CSMD1: variants seen among roughly 807,000 people sequenced by gnomAD.
CSMD1 encodes the protein CUB and sushi domain-containing protein 1.
Under a neutral mutation model 417.5 loss-of-function variants are expected in CSMD1, and 213 were observed. The ratio of observed to expected loss-of-function variants is 0.51; its 90% CI spans 0.46 to 0.57. CSMD1 has a LOEUF of 0.57. CSMD1 is among the 20% of genes least tolerant of loss of function. The probability of loss-of-function intolerance (pLI) is 0.00; values close to 1 mark genes in which losing one functional copy is unlikely to be tolerated. For synonymous variants in CSMD1, 2,862 were observed against 1,736.8 expected, an observed-to-expected ratio of 1.65 and a Z score of -16.11; for missense variants, 6,923 against 4,529.7, an observed-to-expected ratio of 1.53 and a Z score of -15.17.
chr8:3,135,178 A>G (rs1177052306), intron 41 of CSMD1, among the ~76,000 whole-genome samples: 1 of 152,220 alleles, frequency 6.6e-6, no homozygotes, highest in Non-Finnish European at 1.5e-5. Context: ...GGCTTCCCAA[A>G]GTGCTGCAAT....
At chr8:4,417,206 G>A (rs1169352506) in intron 3 of CSMD1, among the ~76,000 whole-genome samples, 3 of 152,024 alleles carry the variant, frequency 2.0e-5, no homozygotes, top group African/African-American at 7.2e-5. Context: ...ATTTATCAGT[G>A]TTCCCACTGG....
At chr8:4,544,699 T>C (rs149104706) in intron 2 of CSMD1, among the ~76,000 whole-genome samples, 1 of 152,240 alleles carries the variant, frequency 6.6e-6, no homozygotes, top group Non-Finnish European at 1.5e-5. Flanking sequence ...TATTACAATG[T>C]ATCCTTGAAA....
intron 5 of CSMD1, among the ~76,000 whole-genome samples, chr8:3,854,316 CCT>C (rs1804140765): frequency 6.6e-6 from 1 of 151,444 alleles, no homozygotes; most frequent in African/African-American, 2.4e-5. Context: ...TGTGCACTGC[CCT>C]TTTTATTTTG....
chr8:3,841,572 C>G (rs1803134679), intron 5 of CSMD1, among the ~76,000 whole-genome samples: 1 of 152,008 alleles, frequency 6.6e-6, no homozygotes, highest in African/African-American at 2.4e-5. Context: ...TTGTTTATCA[C>G]AAAATCACCA....
At chr8:4,456,458 GA>G in intron 2 of CSMD1, among the ~76,000 whole-genome samples, 1 of 152,086 alleles carries the variant, frequency 6.6e-6, no homozygotes, top group Non-Finnish European at 1.5e-5. Context: ...TATTCTTAAC[GA>G]AAATCACCAA....
At chr8:4,839,856 T>C (rs1800732736) in intron 1 of CSMD1, among the ~76,000 whole-genome samples, 1 of 152,208 alleles carries the variant, frequency 6.6e-6, no homozygotes, top group Non-Finnish European at 1.5e-5. Context: ...TGCTAGAATG[T>C]ATATCTTTCA....
intron 2 of CSMD1, among the ~76,000 whole-genome samples, chr8:4,436,956 G>T (rs946528047): frequency 5.9e-5 from 9 of 152,266 alleles, no homozygotes; most frequent in Non-Finnish European, 1.2e-4. Context: ...CTTACCTAGA[G>T]TGTACAGTGC....
chr8:4,055,314 T>C (rs150120000), intron 3 of CSMD1, among the ~76,000 whole-genome samples: 1 of 152,152 alleles, frequency 6.6e-6, no homozygotes, highest in Non-Finnish European at 1.5e-5. Flanking sequence ...CAATGTCTCC[T>C]TCTCTAATAA....
chr8:4,469,219 C>G (rs1038790670), intron 2 of CSMD1, among the ~76,000 whole-genome samples: 5 of 151,980 alleles, frequency 3.3e-5, no homozygotes, highest in African/African-American at 7.3e-5. Flanking sequence ...AGGCCAAGAC[C>G]TAAGGAAAGG....
intron 3 of CSMD1, among the ~76,000 whole-genome samples, chr8:4,032,465 C>T (rs1356930236): frequency 6.6e-6 from 1 of 152,156 alleles, no homozygotes; most frequent in African/African-American, 2.4e-5. Flanking sequence ...ACACAGTAGA[C>T]TATAGAAATC....
At chr8:3,796,047 C>CATGT (rs1293062832) in intron 5 of CSMD1, among the ~76,000 whole-genome samples, 2 of 38,816 alleles carry the variant, frequency 5.2e-5, no homozygotes, top group East Asian at 5.9e-4. Flanking sequence ...ATATATCTAT[C>CATGT]ATAGATATAG....
intron 5 of CSMD1, among the ~76,000 whole-genome samples, chr8:3,853,281 G>A (rs1185579579): frequency 6.6e-6 from 1 of 152,116 alleles, no homozygotes; most frequent in Non-Finnish European, 1.5e-5. Context: ...AGTTTTCTTT[G>A]TGATCTTCAT....
chr8:4,796,652 G>A (rs1051356177), intron 1 of CSMD1, among the ~76,000 whole-genome samples: 1 of 152,068 alleles, frequency 6.6e-6, no homozygotes, highest in African/African-American at 2.4e-5. Flanking sequence ...AAAAACACTG[G>A]GAAACAAATG....
At chr8:3,682,545 G>C (rs1046995013) in intron 7 of CSMD1, among the ~76,000 whole-genome samples, 7 of 152,192 alleles carry the variant, frequency 4.6e-5, no homozygotes, top group African/African-American at 1.7e-4. Flanking sequence ...GGAAACAACA[G>C]GTGCTGGAGA....
chr8:4,427,078 G>A (rs144071862), intron 2 of CSMD1, among the ~76,000 whole-genome samples: 132 of 152,198 alleles, frequency 8.7e-4, no homozygotes, highest in Middle Eastern at 6.8e-3. Flanking sequence ...AGATCAAAGA[G>A]CACAGGTGGC....
At chr8:3,800,878 T>A (rs1244963391) in intron 5 of CSMD1, among the ~76,000 whole-genome samples, 2 of 152,146 alleles carry the variant, frequency 1.3e-5, no homozygotes, top group East Asian at 3.9e-4. Flanking sequence ...GGTGCCATGC[T>A]TCTGCTATGG....
intron 2 of CSMD1, among the ~76,000 whole-genome samples, chr8:4,633,935 A>G (rs969135409): frequency 2.2e-4 from 34 of 152,034 alleles, no homozygotes; most frequent in African/African-American, 7.7e-4. Flanking sequence ...CTGGGAAGCA[A>G]GAGGAAATGC....
intron 2 of CSMD1, among the ~76,000 whole-genome samples, chr8:4,631,952 C>T (rs1308509943): frequency 6.6e-6 from 1 of 152,266 alleles, no homozygotes; most frequent in South Asian, 2.1e-4. Context: ...CGCCTTTATT[C>T]ACTTTCTGAC....
chr8:3,533,787 C>T (rs1281669388), intron 10 of CSMD1, among the ~76,000 whole-genome samples: 1 of 152,140 alleles, frequency 6.6e-6, no homozygotes, highest in Non-Finnish European at 1.5e-5. Context: ...TTGTAACTAT[C>T]ACAAAACCTG....
Sources: gnomAD v4.1 joint callset for allele counts (sites outside exome capture counted in the v4.1 genomes callset) on GRCh38, gnomAD v4.1.1 for gene constraint, MANE v1.5 for transcripts, NCBI Gene and HGNC (gene_info 2026-07-23, HGNC 2026-07-21) for gene names.